Variants in TRNP1 observed in about 807,000 individuals in gnomAD.
TRNP1 encodes TMF-regulated nuclear protein 1.
Under a neutral mutation model 12.2 loss-of-function variants are expected in TRNP1, and 16 were observed. The ratio of observed to expected loss-of-function variants is 1.31; its 90% confidence interval spans 0.89 to 1.99. TRNP1 has a LOEUF of 1.99. Among genes scored for constraint, TRNP1 ranks in the 30% most tolerant of loss-of-function variants. The pLI is 0.00. For missense variants in TRNP1, 338 were observed against 330.4 expected (o/e 1.02, Z -0.18); for synonymous variants, 139 against 166.2 (o/e 0.84, Z 1.26).
chr1:26,996,421 G>A (rs1205755893), intron 1 of TRNP1, among the ~76,000 whole-genome samples: 1 of 152,246 alleles, frequency 6.6e-6, no homozygotes, highest in Admixed American at 6.5e-5. Flanking sequence ...AGGTTCAGGA[G>A]GGAGTCTCAG....
chr1:26,999,363 A>G (rs2082561291), intron 1 of TRNP1, among the ~76,000 whole-genome samples: 1 of 152,238 alleles, frequency 6.6e-6, no homozygotes, highest in South Asian at 2.1e-4. Flanking sequence ...CAGCCTGGGC[A>G]ACAAGAGCAA....
chr1:26,999,421 T>C (rs2082561588), intron 1 of TRNP1, among the ~76,000 whole-genome samples: 1 of 152,080 alleles, frequency 6.6e-6, no homozygotes, highest in African/African-American at 2.4e-5. Flanking sequence ...AAATGAAAAG[T>C]CATACTAAGT....
intron 1 of TRNP1, among the ~76,000 whole-genome samples, chr1:26,998,179 C>G (rs912390412): frequency 6.6e-6 from 1 of 151,304 alleles, no homozygotes; most frequent in Non-Finnish European, 1.5e-5. Flanking sequence ...GTCAGGAGAT[C>G]GAGACCATCG....
At chr1:26,997,690 C>A (rs1216625652) in intron 1 of TRNP1, among the ~76,000 whole-genome samples, 1 of 152,110 alleles carries the variant, frequency 6.6e-6, no homozygotes, top group Non-Finnish European at 1.5e-5. Flanking sequence ...TATATCTCAG[C>A]AAAGGGAAAT....
chr1:26,997,416 G>A (rs2082550769), intron 1 of TRNP1, among the ~76,000 whole-genome samples: 1 of 151,870 alleles, frequency 6.6e-6, no homozygotes, highest in African/African-American at 2.4e-5. Context: ...CCAAATCAGA[G>A]GAGGGTCTCT....
At position 26,993,722 on chromosome 1, in the gene TRNP1, T is replaced by A; in HGVS notation, c.-65T>A. On this transcript the variant is annotated 5_prime_UTR_variant, in exon 1 of 2. Coordinates refer to ENST00000522111, the MANE Select transcript of TRNP1 (RefSeq NM_001013642.3). ...GGGGGCTGTGGCCGTGTCTAGCTGT[T>A]CGGGTGTGCTGTGGTCATCCTCCCT... 1.6e-6 allele frequency: 2 copies of A among 1,232,328 alleles called. No homozygotes were observed. The highest frequency in any genetic ancestry group is 2.0e-6 in the Non-Finnish European group (2 of 991,448). 76.3% of individuals were successfully genotyped at this position (1,232,328 alleles called of 1,614,324 possible).
In TRNP1 at chr1:26,994,094, T is replaced by C; in HGVS notation, c.308T>C (p.Leu103Pro). 1.6e-6 allele frequency: 2 copies of C among 1,217,776 alleles called. No homozygotes were observed. Among genetic ancestry groups the C allele is most frequent in the Non-Finnish European group, 2.0e-6 (2 of 980,436 alleles). The allele number at this position is 1,217,776 out of a possible 1,614,324, so 75.4% of individuals were successfully genotyped here. Residue 103 changes from leucine (L) to proline (P), a missense_variant, in exon 1 of 2, where the codon CTG becomes CCG. By Grantham distance (98) the Leu-to-Pro change is moderately conservative. Coordinates refer to ENST00000522111, the MANE Select transcript of TRNP1 (RefSeq NM_001013642.3). The surrounding 1 kb of genome is among the most constrained non-coding windows in gnomAD (Gnocchi z 6.9). Reference protein sequence around the residue: ...AAGAGGRALELAEARRRLLEV... With the variant: ...AAGAGGRALEPAEARRRLLEV... ...GGGGCGGGGGGCCGCGCGCTGGAGC[T>C]GGCCGAAGCACGGCGGCGGCTGCTG...
rs1271013522 is a variant in TRNP1 at position 26,994,448 on chromosome 1, G to GCCCCGCCT, written c.669_676dup (p.Gln226ProfsTer83). On this transcript the variant is annotated frameshift_variant, in exon 1 of 2. Transcript: ENST00000522111. LOFTEE classifies it high-confidence loss of function. The surrounding 1 kb of genome is among the most constrained non-coding windows in gnomAD (Gnocchi z 6.9). ...CCCTTCCGCCGCAGCCCGCCCCGCG[G>GCCCCGCCT]CCCCGCCTCCCCGCAGCGCTGACCT... 5 of 1,176,682 alleles carry GCCCCGCCT rather than the reference G, an allele frequency of 4.2e-6. No individual in the cohort carries two copies. Among genetic ancestry groups the GCCCCGCCT allele is most frequent in the Admixed American group, 9.2e-5 (2 of 21,746 alleles). The allele number at this position is 1,176,682 out of a possible 1,614,324, so 72.9% of individuals were successfully genotyped here.
rs770365379 is a variant in TRNP1, at chr1:26,993,889, C to T, written c.103C>T (p.Pro35Ser). Reference protein sequence around the residue: ...PPWDPMPSSQPPPPTPTLTPT... With the variant: ...PPWDPMPSSQSPPPTPTLTPT... ...CTGGGATCCCATGCCGTCCTCTCAGCCCCCGCCCCCAACTCCGACCTTGAC... is the reference window on the plus strand; with the variant it reads ...CTGGGATCCCATGCCGTCCTCTCAGTCCCCGCCCCCAACTCCGACCTTGAC... The change falls in exon 1 of 2, where the codon CCC becomes TCC. Residue 35 changes from proline to serine, a missense_variant. Pro to Ser is a moderately conservative substitution (Grantham distance 74). Coordinates refer to ENST00000522111, the MANE Select transcript of TRNP1 (RefSeq NM_001013642.3). The T allele has an allele frequency of 2.2e-6, 3 of 1,373,902 alleles. No homozygotes were observed. Among genetic ancestry groups the T allele is most frequent in the Non-Finnish European group, 2.8e-6 (3 of 1,070,244 alleles). 85.1% of individuals were successfully genotyped at this position (1,373,902 alleles called of 1,614,324 possible).
rs981693700 is a variant in TRNP1, at chr1:26,994,544, C to T, written c.*74C>T. 2 of 1,043,026 alleles carry T rather than the reference C, an allele frequency of 1.9e-6. No individual in the cohort carries two copies. Among genetic ancestry groups the T allele is most frequent in the Non-Finnish European group, 1.2e-6 (1 of 857,036 alleles). The allele number at this position is 1,043,026 out of a possible 1,614,324, so 64.6% of individuals were successfully genotyped here. ...CGACCGACCGACTGATCGCGGACGC[C>T]GGCTGGAAGGACTACGGATCCGCAG... On this transcript the variant is annotated 3_prime_UTR_variant, in exon 1 of 2. Transcript: ENST00000522111. The surrounding 1 kb of genome is among the most constrained non-coding windows in gnomAD (Gnocchi z 6.9).
Position 26,994,053 on chromosome 1 carries a change from C to T in TRNP1, c.267C>T (p.Gly89=). 2 of 1,226,040 alleles carry T rather than the reference C, an allele frequency of 1.6e-6. No individual in the cohort carries two copies. The highest frequency in any genetic ancestry group is 2.0e-6 in the Non-Finnish European group (2 of 985,238). The allele number at this position is 1,226,040 out of a possible 1,614,324, so 75.9% of individuals were successfully genotyped here. A position where few individuals can be genotyped will look rare whatever the true frequency, so the allele number is the denominator to read the frequency against. ...CGGGGCTCGCCGGCCCCGGAGGGGG[C>T]TCTGGCGCGGCTGCGGGGGCGGGGG... The part of the protein sequence containing the change: ...GIAGLAGPGG[G]SGAAAGAGGR... Residue 89 remains glycine (G), a synonymous_variant, in exon 1 of 2, where the codon GGC becomes GGT. Transcript: ENST00000522111. This position sits in a 1 kb window ranked among gnomAD's most constrained non-coding sequence, Gnocchi z 6.9.
intron 1 of TRNP1, among the ~76,000 whole-genome samples, chr1:26,995,182 G>C (rs947420153): frequency 1.3e-5 from 2 of 152,184 alleles, no homozygotes; most frequent in African/African-American, 4.8e-5. Flanking sequence ...CGTCATGCAG[G>C]TTCGCAAAAA....
intron 1 of TRNP1, among the ~76,000 whole-genome samples, chr1:26,995,620 T>G (rs2082541365): frequency 6.6e-6 from 1 of 152,242 alleles, no homozygotes; most frequent in African/African-American, 2.4e-5. Flanking sequence ...CATGGAAAGA[T>G]AATTTTTTTG....
intron 1 of TRNP1, among the ~76,000 whole-genome samples, chr1:26,999,209 TC>T (rs1301259817): frequency 1.3e-5 from 2 of 151,816 alleles, no homozygotes; most frequent in African/African-American, 2.4e-5. Flanking sequence ...CAGGGTGAAA[TC>T]CCATCTCTAC....
At position 26,993,750 on chromosome 1, in the gene TRNP1, G is replaced by T; in HGVS notation, c.-37G>T. ...GGTGTGCTGTGGTCATCCTCCCTGC[G>T]CACCTACAGCCGCAGACCGCCGGTG... On this transcript the variant is annotated 5_prime_UTR_variant, in exon 1 of 2. Coordinates refer to ENST00000522111, the MANE Select transcript of TRNP1 (RefSeq NM_001013642.3). 3.1e-6 allele frequency: 4 copies of T among 1,277,674 alleles called. No homozygotes were observed. Among genetic ancestry groups the T allele is most frequent in the Non-Finnish European group, 3.9e-6 (4 of 1,014,836 alleles). The allele number at this position is 1,277,674 out of a possible 1,614,324, so 79.1% of individuals were successfully genotyped here.
In TRNP1 at chr1:26,994,057, G is replaced by GGCGC; in HGVS notation, c.273_276dup (p.Ala93ArgfsTer181). 2 of 1,224,954 alleles carry GGCGC rather than the reference G, an allele frequency of 1.6e-6. No homozygotes were observed. The highest frequency in any genetic ancestry group is 2.0e-6 in the Non-Finnish European group (2 of 984,420). The allele number at this position is 1,224,954 out of a possible 1,614,324, so 75.9% of individuals were successfully genotyped here. A position where few individuals can be genotyped will look rare whatever the true frequency, so the allele number is the denominator to read the frequency against. On this transcript the variant is annotated frameshift_variant, in exon 1 of 2. Transcript: ENST00000522111. LOFTEE classifies it high-confidence loss of function. This position sits in a 1 kb window ranked among gnomAD's most constrained non-coding sequence, Gnocchi z 6.9. ...GCTCGCCGGCCCCGGAGGGGGCTCTGGCGCGGCTGCGGGGGCGGGGGGCCG... is the reference window on the plus strand; with the variant it reads ...GCTCGCCGGCCCCGGAGGGGGCTCTGGCGCGCGCGGCTGCGGGGGCGGGGGGCCG...
intron 1 of TRNP1, among the ~76,000 whole-genome samples, chr1:26,995,618 GA>G (rs1414169386): frequency 6.6e-6 from 1 of 152,212 alleles, no homozygotes; most frequent in African/African-American, 2.4e-5. Flanking sequence ...ATCATGGAAA[GA>G]TAATTTTTTT....
Position 26,994,309 on chromosome 1 carries a change from C to T in TRNP1, c.523C>T (p.Arg175Cys). The T allele has an allele frequency of 8.9e-7, 1 of 1,122,518 alleles. No homozygotes were observed. Among genetic ancestry groups the T allele is most frequent in the Non-Finnish European group, 1.1e-6 (1 of 919,010 alleles). 69.5% of individuals were successfully genotyped at this position (1,122,518 alleles called of 1,614,324 possible). A position where few individuals can be genotyped will look rare whatever the true frequency, so the allele number is the denominator to read the frequency against. ...HGSRLKKGPR[R>C]GRRGRPPALL... is the part of the protein sequence containing the mutation. The stretch of plus-strand genomic sequence containing the variant: ...GTCGCGCCTCAAGAAGGGCCCGCGC[C>T]GCGGCCGCCGCGGCCGACCCCCCGC... The change falls in exon 1 of 2, where the codon CGC (arginine) becomes TGC (cysteine). Residue 175 changes from arginine to cysteine, a missense_variant. Physicochemically the swap from Arg to Cys is radical, Grantham distance 180. Transcript: ENST00000522111. The surrounding 1 kb of genome is among the most constrained non-coding windows in gnomAD (Gnocchi z 6.9).
In TRNP1 at chr1:26,994,157, A is replaced by T; in HGVS notation, c.371A>T (p.Glu124Val). The T allele has an allele frequency of 7.8e-7, 1 of 1,282,234 alleles. No individual in the cohort carries two copies. The highest frequency in any genetic ancestry group is 2.3e-5 in the South Asian group (1 of 44,326). The allele number at this position is 1,282,234 out of a possible 1,614,324, so 79.4% of individuals were successfully genotyped here. A position where few individuals can be genotyped will look rare whatever the true frequency, so the allele number is the denominator to read the frequency against. Residue 124 changes from glutamate to valine, a missense_variant, in exon 1 of 2, where the codon GAG (glutamate) becomes GTG (valine). Glu to Val is a moderately radical substitution (Grantham distance 121). Transcript: ENST00000522111. The surrounding 1 kb of genome is among the most constrained non-coding windows in gnomAD (Gnocchi z 6.9). ...EGRRRLVSEL[E>V]SRVLQLHRVF... ...CGCCGGCGCCTGGTGTCGGAGCTGG[A>T]GAGCCGCGTGCTGCAGCTGCACCGC... is the stretch of plus-strand genomic sequence containing the variant.
Sources: gnomAD v4.1 joint callset for allele counts (sites outside exome capture counted in the v4.1 genomes callset) on GRCh38, gnomAD v4.1.1 for gene constraint, Gnocchi (gnomAD v3.1) non-coding constraint, MANE v1.5 for transcripts, NCBI Gene and HGNC (gene_info 2026-07-23, HGNC 2026-07-21) for gene names.